PTPRR: variants seen among roughly 807,000 people sequenced by gnomAD.
PTPRR encodes protein tyrosine phosphatase receptor type R, also known as receptor-type tyrosine-protein phosphatase R.
Under a neutral mutation model 77.2 loss-of-function variants are expected in PTPRR, and 38 were observed. That is an observed-to-expected ratio of 0.49 (90% CI 0.38 to 0.65). The LOEUF (loss-of-function observed/expected upper bound fraction) is 0.65. Ranked by LOEUF, PTPRR falls within the 30% of genes least tolerant of loss-of-function variation. PTPRR has a pLI of 0.00. For missense variants in PTPRR, 744 were observed against 799.2 expected, an observed-to-expected ratio of 0.93 and a Z score of 0.83; for synonymous variants, 299 against 283.1, an observed-to-expected ratio of 1.06 and a Z score of -0.57.
chr12:70,653,385 A>G (rs558239926), intron 13 of PTPRR, among the ~76,000 whole-genome samples: 6 of 152,350 alleles, frequency 3.9e-5, no homozygotes, highest in African/African-American at 1.2e-4. Flanking sequence ...AGGAGAAGGG[A>G]TAATTGGAAC....
Position 70,638,884 on chromosome 12 carries a change from T to A in PTPRR, c.*300A>T. 3.1e-6 allele frequency: 1 copy of A among 319,308 alleles called. No individual in the cohort carries two copies. The highest frequency in any genetic ancestry group is 5.8e-6 in the Non-Finnish European group (1 of 172,414). The allele number at this position is 319,308 out of a possible 1,614,324, so 19.8% of individuals were successfully genotyped here. On this transcript the variant is annotated 3_prime_UTR_variant, in exon 14 of 14. Coordinates refer to ENST00000283228, the MANE Select transcript of PTPRR (RefSeq NM_002849.4). Reference sequence around the variant, plus strand: ...TACTGAATATTACATACATACATTCTGTGTGGCAGATAGAGTCAGTACAGA... The same window carrying A: ...TACTGAATATTACATACATACATTCAGTGTGGCAGATAGAGTCAGTACAGA...
At chr12:70,734,652 A>G (rs1889800886) in intron 6 of PTPRR, among the ~76,000 whole-genome samples, 2 of 152,186 alleles carry the variant, frequency 1.3e-5, no homozygotes, top group Non-Finnish European at 2.9e-5. Context: ...AGGGACCACA[A>G]GTAGAGAAAG....
At chr12:70,746,748 G>A (rs1890226319) in intron 5 of PTPRR, among the ~76,000 whole-genome samples, 1 of 151,864 alleles carries the variant, frequency 6.6e-6, no homozygotes. Context: ...CGAAAGTGCA[G>A]TGCTGTGATC....
chr12:70,662,378 T>C (rs527940279), intron 11 of PTPRR, 117 bp downstream of exon 11: 2 of 570,474 alleles, frequency 3.5e-6, no homozygotes, highest in Non-Finnish European at 5.9e-6. Flanking sequence ...TTCTCTTTGA[T>C]CTTAACATTA....
intron 8 of PTPRR, among the ~76,000 whole-genome samples, chr12:70,691,071 C>T (rs940522928): frequency 1.3e-5 from 2 of 152,104 alleles, no homozygotes; most frequent in South Asian, 2.1e-4. Context: ...TATTCTATTG[C>T]TTTTCTTTTT....
intron 10 of PTPRR, 96 bp from the exon 11 acceptor site, chr12:70,662,701 G>C (rs1886841006): frequency 3.4e-6 from 2 of 593,760 alleles, no homozygotes. Context: ...TATATCATTA[G>C]TTTTAAAATA....
chr12:70,806,913 C>A lies in PTPRR; in HGVS notation c.358-42135G>T, dbSNP rs138838241. On this transcript the variant is annotated intron_variant, in intron 2 of 13. Transcript: ENST00000283228. ...ATTGACCCCACAGAAATTCTCAAGT[C>A]CCTCCTTTTCTCTTGCCATTTCCCA... 5.1e-4 allele frequency among the ~76,000 whole-genome samples: 77 copies of A among 152,240 alleles called. 1 individual carries two copies. In the East Asian group the frequency reaches 0.013, roughly 25 times the overall value.
chr12:70,894,846 C>T (rs965896806), intron 1 of PTPRR, among the ~76,000 whole-genome samples: 7 of 151,664 alleles, frequency 4.6e-5, no homozygotes, highest in Non-Finnish European at 1.0e-4. Context: ...CAATCATCAT[C>T]TTTGGCAAAC....
intron 8 of PTPRR, among the ~76,000 whole-genome samples, chr12:70,685,554 G>A (rs1432086165): frequency 2.0e-5 from 3 of 151,462 alleles, no homozygotes; most frequent in African/African-American, 4.9e-5. Flanking sequence ...GGAGGCTGAG[G>A]CATGAGAATT....
intron 2 of PTPRR, among the ~76,000 whole-genome samples, chr12:70,821,242 T>TTTTC (rs1592776472): frequency 9.5e-6 from 1 of 105,084 alleles, no homozygotes; most frequent in East Asian, 2.4e-4. Flanking sequence ...TTTTTTTTTT[T>TTTTC]AGGACAGAGT....
intron 4 of PTPRR, among the ~76,000 whole-genome samples, chr12:70,756,542 G>A (rs941476829): frequency 1.3e-4 from 20 of 152,216 alleles, no homozygotes; most frequent in African/African-American, 4.6e-4. Flanking sequence ...GCCGAGAGTT[G>A]AATAATTCAG....
chr12:70,672,584 C>A, intron 10 of PTPRR: 1 of 1,438,846 alleles, frequency 7.0e-7, no homozygotes, highest in Non-Finnish European at 9.7e-7. Context: ...GCCTTGGTGA[C>A]CAAGGACAGT....
intron 10 of PTPRR, among the ~76,000 whole-genome samples, chr12:70,668,144 T>C (rs768583908): frequency 3.3e-5 from 5 of 152,162 alleles, no homozygotes; most frequent in Non-Finnish European, 7.4e-5. Context: ...TCTTGCACTG[T>C]AGACTATCCT....
At chr12:70,759,702 A>AC (rs1890647494) in intron 4 of PTPRR, among the ~76,000 whole-genome samples, 3 of 150,296 alleles carry the variant, frequency 2.0e-5, no homozygotes, top group Non-Finnish European at 4.4e-5. Flanking sequence ...AAAAAAAAAA[A>AC]AAAACAAACG....
In PTPRR at chr12:70,896,927, T is replaced by C. The variant is rs540045814; in HGVS notation, c.59-3950A>G. ...GTCAAAGATCAGATAGTTGTAGATA[T>C]GCGGCATTATTTCTGAGGGCTGTGT... On this transcript the variant is annotated intron_variant, in intron 1 of 13. Coordinates refer to ENST00000283228, the MANE Select transcript of PTPRR (RefSeq NM_002849.4). Among the ~76,000 whole-genome samples, 6 of 151,948 alleles carry C rather than the reference T, an allele frequency of 3.9e-5. No homozygotes were observed. In the South Asian group the frequency reaches 1.2e-3, roughly 32 times the overall value.
chr12:70,788,150 T>C (rs78773852), intron 2 of PTPRR, among the ~76,000 whole-genome samples: 3,008 of 152,282 alleles, frequency 0.02, 53 homozygotes, highest in East Asian at 0.06. Context: ...ATAAGAGCCA[T>C]ATTTAAGCCA....
At chr12:70,783,556 A>G (rs1304540908) in intron 2 of PTPRR, among the ~76,000 whole-genome samples, 1 of 151,802 alleles carries the variant, frequency 6.6e-6, no homozygotes, top group Non-Finnish European at 1.5e-5. Context: ...TGAGGCCTTT[A>G]TGGGCCTCAG....
At chr12:70,810,204 G>A (rs573840859) in intron 2 of PTPRR, among the ~76,000 whole-genome samples, 24 of 152,226 alleles carry the variant, frequency 1.6e-4, no homozygotes, top group African/African-American at 5.5e-4. Context: ...ATTTTCGGTA[G>A]CTCTGTCCCC....
chr12:70,832,357 A>G (rs2137051446), intron 2 of PTPRR, among the ~76,000 whole-genome samples: 1 of 152,298 alleles, frequency 6.6e-6, no homozygotes, highest in South Asian at 2.1e-4. Flanking sequence ...GAAGGTCAAC[A>G]TTCAGGTTTT....
Sources: allele counts gnomAD v4.1 joint callset (sites outside exome capture counted in the v4.1 genomes callset), GRCh38; gene constraint gnomAD v4.1.1; transcripts MANE v1.5; gene names NCBI Gene and HGNC (gene_info 2026-07-23, HGNC 2026-07-21).